The following DENND1B variants were observed in gnomAD, a reference collection of about 807,000 sequenced individuals.
DENND1B encodes DENN domain-containing protein 1B.
Under a neutral mutation model 90.1 loss-of-function variants are expected in DENND1B, and 59 were observed. That is an observed-to-expected ratio of 0.65 (90% confidence interval 0.53 to 0.81). The LOEUF is 0.81. Among genes scored for constraint, DENND1B ranks in the 40% least tolerant of loss-of-function variants. The pLI is 0.00. For synonymous variants in DENND1B, 337 were observed against 324.6 expected, an observed-to-expected ratio of 1.04 and a Z score of -0.41; for missense variants, 862 against 912.6, an observed-to-expected ratio of 0.94 and a Z score of 0.71.
At chr1:197,693,295 T>C (rs997239787) in intron 3 of DENND1B, among the ~76,000 whole-genome samples, 11 of 151,658 alleles carry the variant, frequency 7.3e-5, no homozygotes, top group African/African-American at 2.7e-4. Context: ...CATGTGACTG[T>C]GTGTTTAAAT....
intron 20 of DENND1B, among the ~76,000 whole-genome samples, chr1:197,537,361 A>C (rs1669987614): frequency 6.6e-6 from 1 of 152,156 alleles, no homozygotes; most frequent in African/African-American, 2.4e-5. Flanking sequence ...AATGCTAATC[A>C]ATGCAGATAA....
the DENND1B span, among the ~76,000 whole-genome samples, chr1:197,782,148 C>T: frequency 3.3e-5 from 5 of 152,098 alleles, no homozygotes; most frequent in African/African-American, 1.2e-4. Flanking sequence ...TTCAGAGATT[C>T]TTTGAGGATT....
intron 2 of DENND1B, among the ~76,000 whole-genome samples, chr1:197,741,973 A>G (rs1424012115): frequency 3.9e-5 from 6 of 152,170 alleles, no homozygotes; most frequent in Non-Finnish European, 8.8e-5. Flanking sequence ...AACCTAACAT[A>G]GAGAGTTGCT....
chr1:197,610,803 AG>A (rs1475623377), intron 12 of DENND1B, among the ~76,000 whole-genome samples: 1 of 150,924 alleles, frequency 6.6e-6, no homozygotes, highest in Admixed American at 6.6e-5. Context: ...AAAAATAAGG[AG>A]TCATAAAGGT....
rs373810810 is a variant in DENND1B, at chr1:197,540,949, T to C, written c.1407+10A>G. ...TCAAGGTAAAATGGAAAAAAATGAATATGACATACCTTGTGTTTTAGTTTA... is the reference window on the plus strand; with the variant it reads ...TCAAGGTAAAATGGAAAAAAATGAACATGACATACCTTGTGTTTTAGTTTA... On this transcript the variant is annotated intron_variant, in intron 19 of 22. Coordinates refer to ENST00000620048, the MANE Select transcript of DENND1B (RefSeq NM_001195215.2). 3 of 1,605,972 alleles carry C rather than the reference T, an allele frequency of 1.9e-6. No homozygotes were observed.
intron 2 of DENND1B, among the ~76,000 whole-genome samples, chr1:197,730,577 C>G (rs1662057651): frequency 6.6e-6 from 1 of 151,956 alleles, no homozygotes; most frequent in Non-Finnish European, 1.5e-5. Context: ...GACATGGGAA[C>G]TTAAATTGGA....
intron 10 of DENND1B, among the ~76,000 whole-genome samples, chr1:197,623,287 A>T (rs900993795): frequency 6.6e-6 from 1 of 151,578 alleles, no homozygotes; most frequent in African/African-American, 2.4e-5. Context: ...CTATAAGTAT[A>T]AACAGTAAAC....
chr1:197,529,526 G>A (rs546776885), intron 20 of DENND1B, among the ~76,000 whole-genome samples: 11 of 151,508 alleles, frequency 7.3e-5, no homozygotes, highest in Non-Finnish European at 1.5e-4. Context: ...TTGTAATACA[G>A]CTAAGCTCTC....
chr1:197,662,316 T>C (rs1654485992), intron 5 of DENND1B, among the ~76,000 whole-genome samples: 1 of 152,054 alleles, frequency 6.6e-6, no homozygotes, highest in Non-Finnish European at 1.5e-5. Flanking sequence ...GTGCAGGAAG[T>C]AAAATTACTT....
intron 3 of DENND1B, among the ~76,000 whole-genome samples, chr1:197,704,073 A>G (rs929419454): frequency 6.6e-6 from 1 of 152,042 alleles, no homozygotes; most frequent in African/African-American, 2.4e-5. Context: ...GTGAGACCCC[A>G]TCTCTACAAA....
intron 2 of DENND1B, among the ~76,000 whole-genome samples, chr1:197,722,822 A>G (rs976434982): frequency 1.3e-5 from 2 of 152,196 alleles, no homozygotes; most frequent in African/African-American, 4.8e-5. Context: ...TACATTTAAA[A>G]TTAAAACTAA....
intron 5 of DENND1B, 117 bp downstream of exon 5, chr1:197,671,920 T>C: frequency 9.2e-7 from 1 of 1,092,510 alleles, no homozygotes; most frequent in Non-Finnish European, 1.2e-6. Context: ...ATCAGGAAAA[T>C]TATTTTTCAA....
intron 20 of DENND1B, among the ~76,000 whole-genome samples, chr1:197,531,164 T>C (rs1240307266): frequency 6.6e-6 from 1 of 152,222 alleles, no homozygotes; most frequent in Non-Finnish European, 1.5e-5. Context: ...ATGAATCACG[T>C]AAATACAAAC....
chr1:197,689,080 A>G (rs1299337421), intron 3 of DENND1B: 1 of 201,282 alleles, frequency 5.0e-6, no homozygotes, highest in Non-Finnish European at 1.1e-5. Flanking sequence ...TTACAGAAAC[A>G]TTTATTATAT....
chr1:197,681,333 G>T (rs1656672085), intron 3 of DENND1B, among the ~76,000 whole-genome samples: 1 of 152,112 alleles, frequency 6.6e-6, no homozygotes, highest in Non-Finnish European at 1.5e-5. Flanking sequence ...CATATCTGAT[G>T]ATTTCATCAC....
At chr1:197,586,194 G>C (rs1674677458) in intron 14 of DENND1B, among the ~76,000 whole-genome samples, 1 of 151,976 alleles carries the variant, frequency 6.6e-6, no homozygotes, top group Non-Finnish European at 1.5e-5. Context: ...TGGCAATATT[G>C]CAATAGACTG....
chr1:197,674,195 G>C (rs201596664), intron 3 of DENND1B, 26 bp from the exon 4 acceptor site: 1 of 1,525,074 alleles, frequency 6.6e-7, no homozygotes, highest in Non-Finnish European at 8.9e-7. Context: ...TCAAAAAAAA[G>C]AAATAAGTTT....
chr1:197,713,801 T>TATAATA (rs1483373450), intron 3 of DENND1B, among the ~76,000 whole-genome samples: 1 of 32,602 alleles, frequency 3.1e-5, no homozygotes, highest in Non-Finnish European at 5.8e-5. Flanking sequence ...TATTATTATA[T>TATAATA]TATAATATAT....
rs889203621 is a variant in DENND1B at position 197,505,189 on chromosome 1, C to G, written c.*5271G>C. ...TGTAAGTACTAAACTACAACAGACT[C>G]AAGAAATCCACTTTTTCAAATATGA... On this transcript the variant is annotated 3_prime_UTR_variant, in exon 23 of 23. Coordinates refer to ENST00000620048, the MANE Select transcript of DENND1B (RefSeq NM_001195215.2). 2.0e-5 allele frequency: 3 copies of G among 151,706 alleles called. No homozygotes were observed. The highest frequency in any genetic ancestry group is 4.4e-5 in the Non-Finnish European group (3 of 67,810). 9.4% of individuals were successfully genotyped at this position (151,706 alleles called of 1,614,324 possible). A position where few individuals can be genotyped will look rare whatever the true frequency, so the allele number is the denominator to read the frequency against.
Sources: gnomAD v4.1 joint callset for allele counts (sites outside exome capture counted in the v4.1 genomes callset) on GRCh38, gnomAD v4.1.1 for gene constraint, MANE v1.5 for transcripts, NCBI Gene and HGNC (gene_info 2026-07-23, HGNC 2026-07-21) for gene names.